The following SGCZ variants were observed in gnomAD, a reference collection of about 807,000 sequenced individuals.
The protein encoded by SGCZ is sarcoglycan zeta.
A neutral mutation model predicts 41.3 loss-of-function variants in SGCZ; 40 were observed. The ratio of observed to expected loss-of-function variants is 0.97; its 90% CI spans 0.75 to 1.26. The LOEUF is 1.26. Among genes scored for constraint, SGCZ ranks in the 50% most tolerant of loss-of-function variants. The probability of loss-of-function intolerance (pLI) is 0.00; values close to 1 mark genes in which losing one functional copy is unlikely to be tolerated. For missense variants in SGCZ, 552 were observed against 369.8 expected, an observed-to-expected ratio of 1.49 and a Z score of -4.04; for synonymous variants, 206 against 137.5, an observed-to-expected ratio of 1.50 and a Z score of -3.49.
chr8:14,128,288 A>T (rs1802927047), intron 5 of SGCZ, among the ~76,000 whole-genome samples: 1 of 152,206 alleles, frequency 6.6e-6, no homozygotes, highest in Non-Finnish European at 1.5e-5. Context: ...CAAACCAACA[A>T]ACCATGTTGA....
At chr8:15,140,606 T>C (rs1808284177) in intron 1 of SGCZ, among the ~76,000 whole-genome samples, 2 of 152,222 alleles carry the variant, frequency 1.3e-5, no homozygotes. Context: ...CCATATTATT[T>C]ACTTTTAATA....
intron 1 of SGCZ, among the ~76,000 whole-genome samples, chr8:15,220,566 T>C (rs552086545): frequency 6.6e-6 from 1 of 151,984 alleles, no homozygotes; most frequent in African/African-American, 2.4e-5. Context: ...TCTTAGAAAA[T>C]TACATAAACT....
chr8:14,241,255 G>C (rs1798870984), intron 3 of SGCZ, among the ~76,000 whole-genome samples: 1 of 151,740 alleles, frequency 6.6e-6, no homozygotes, highest in African/African-American at 2.4e-5. Context: ...AATAGACATA[G>C]TAGTACTCTC....
rs188407268 is a variant in SGCZ at position 15,175,545 on chromosome 8, G to A, written c.39+62040C>T. On this transcript the variant is annotated intron_variant, in intron 1 of 7. Transcript: ENST00000382080. ...CACTGGGGCCTGTTGGAGGATGGAGGGTAGGAGGAAGGAGAGCATCAGGAA... is the reference window on the plus strand; with the variant it reads ...CACTGGGGCCTGTTGGAGGATGGAGAGTAGGAGGAAGGAGAGCATCAGGAA... 3.5e-4 allele frequency among the ~76,000 whole-genome samples: 53 copies of A among 152,110 alleles called. No homozygotes were observed. The East Asian group carries it at 0.01, about 30-fold the overall frequency.
chr8:14,962,474 A>T (rs1800995506), intron 1 of SGCZ, among the ~76,000 whole-genome samples: 1 of 152,156 alleles, frequency 6.6e-6, no homozygotes, highest in African/African-American at 2.4e-5. Context: ...TATAGATACA[A>T]TAAATGTCAT....
intron 1 of SGCZ, among the ~76,000 whole-genome samples, chr8:14,953,204 G>A (rs182854599): frequency 2.6e-5 from 4 of 152,232 alleles, no homozygotes; most frequent in African/African-American, 7.2e-5. Context: ...AAGCATGGCT[G>A]GGTGACCTCA....
At chr8:14,145,993 G>C (rs2116936212) in intron 5 of SGCZ, among the ~76,000 whole-genome samples, 1 of 152,134 alleles carries the variant, frequency 6.6e-6, no homozygotes, top group South Asian at 2.1e-4. Flanking sequence ...CTTAAAAGAA[G>C]GTAGAGAAAA....
At chr8:14,508,086 G>T (rs570336711) in intron 2 of SGCZ, among the ~76,000 whole-genome samples, 6 of 149,058 alleles carry the variant, frequency 4.0e-5, no homozygotes, top group South Asian at 2.1e-4. Flanking sequence ...TACTTTCTTC[G>T]TGAGATCTAC....
At chr8:15,026,297 A>T (rs1388496479) in intron 1 of SGCZ, among the ~76,000 whole-genome samples, 1 of 152,210 alleles carries the variant, frequency 6.6e-6, no homozygotes, top group Non-Finnish European at 1.5e-5. Flanking sequence ...GATAGAAGGA[A>T]CATAATTTCT....
At chr8:14,228,655 G>A (rs1447226737) in intron 4 of SGCZ, among the ~76,000 whole-genome samples, 1 of 151,898 alleles carries the variant, frequency 6.6e-6, no homozygotes, top group African/African-American at 2.4e-5. Flanking sequence ...GGAGATGGGG[G>A]CGGCCTAAGT....
intron 1 of SGCZ, among the ~76,000 whole-genome samples, chr8:14,861,795 T>A (rs1180737570): frequency 6.6e-6 from 1 of 152,050 alleles, no homozygotes; most frequent in Non-Finnish European, 1.5e-5. Flanking sequence ...AGATATTCCT[T>A]AGGGGGTGTC....
At chr8:14,877,062 C>T (rs1804388793) in intron 1 of SGCZ, among the ~76,000 whole-genome samples, 2 of 152,178 alleles carry the variant, frequency 1.3e-5, no homozygotes, top group South Asian at 4.1e-4. Flanking sequence ...CAATCTCTGC[C>T]TCCCGGGTTC....
intron 5 of SGCZ, among the ~76,000 whole-genome samples, chr8:14,136,032 A>C (rs1803186662): frequency 6.6e-6 from 1 of 152,180 alleles, no homozygotes; most frequent in South Asian, 2.1e-4. Context: ...AAAGCCGAAA[A>C]ACTATAGACC....
At chr8:14,258,503 T>C (rs1346851563) in intron 3 of SGCZ, among the ~76,000 whole-genome samples, 6 of 152,168 alleles carry the variant, frequency 3.9e-5, no homozygotes, top group African/African-American at 1.4e-4. Context: ...GCCAAAGTTC[T>C]TCATTAGGTT....
At chr8:14,815,243 C>CTTTT (rs35797553) in intron 1 of SGCZ, among the ~76,000 whole-genome samples, 1,447 of 144,010 alleles carry the variant, frequency 0.01, 9 homozygotes, top group Middle Eastern at 0.032. Flanking sequence ...TCTCAATTTT[C>CTTTT]TTTTTTTTTT....
chr8:14,840,012 C>A (rs1187053211), intron 1 of SGCZ, among the ~76,000 whole-genome samples: 15 of 151,748 alleles, frequency 9.9e-5, no homozygotes. Context: ...GTTTTTACAC[C>A]ACTTTACACT....
chr8:14,230,247 C>G (rs10216748), intron 4 of SGCZ, among the ~76,000 whole-genome samples: 1 of 151,820 alleles, frequency 6.6e-6, no homozygotes, highest in African/African-American at 2.4e-5. Context: ...TCTAGCAAAA[C>G]AGACTCATTT....
At chr8:14,803,763 A>G (rs1801424430) in intron 1 of SGCZ, among the ~76,000 whole-genome samples, 1 of 150,032 alleles carries the variant, frequency 6.7e-6, no homozygotes, top group Admixed American at 6.7e-5. Context: ...TGTAGGCTCC[A>G]CCTCTGGGGG....
At chr8:14,727,576 T>C (rs1466413742) in intron 1 of SGCZ, among the ~76,000 whole-genome samples, 1 of 151,568 alleles carries the variant, frequency 6.6e-6, no homozygotes, top group Admixed American at 6.6e-5. Context: ...AGTGGCCAGA[T>C]CTGAGCTCAC....
Sources: allele counts gnomAD v4.1 joint callset (sites outside exome capture counted in the v4.1 genomes callset), GRCh38; gene constraint gnomAD v4.1.1; transcripts MANE v1.5; gene names NCBI Gene and HGNC (gene_info 2026-07-23, HGNC 2026-07-21).